The following DAB1 variants were observed in gnomAD, a reference collection of about 807,000 sequenced individuals.
The protein encoded by DAB1 is disabled homolog 1.
Under a neutral mutation model 64.6 loss-of-function variants are expected in DAB1, and 15 were observed. The observed-to-expected ratio is 0.23, with a 90% CI of 0.16 to 0.36. DAB1 has a LOEUF of 0.36. Ranked by LOEUF, DAB1 falls within the 10% of genes least tolerant of loss-of-function variation. The pLI is 1.00. For missense variants in DAB1, 596 were observed against 706.7 expected, an observed-to-expected ratio of 0.84 and a Z score of 1.78; for synonymous variants, 235 against 251.9, an observed-to-expected ratio of 0.93 and a Z score of 0.64.
intron 2 of DAB1, among the ~76,000 whole-genome samples, chr1:57,254,476 C>G (rs1160779382): frequency 6.6e-6 from 1 of 152,200 alleles, no homozygotes; most frequent in Non-Finnish European, 1.5e-5. Context: ...GAAATCATTG[C>G]TCTTGCTAGA....
At chr1:57,233,758 C>CA (rs1345428702) in intron 2 of DAB1, among the ~76,000 whole-genome samples, 3 of 150,218 alleles carry the variant, frequency 2.0e-5, no homozygotes, top group Admixed American at 1.3e-4. Context: ...GCCTCTGTCT[C>CA]AAAAAAAATA....
rs113312326 is a variant in DAB1 at position 57,112,837 on chromosome 1, G to A, written c.306+23706C>T. Among the ~76,000 whole-genome samples the A allele has an allele frequency of 6.9e-3, 1,044 of 152,018 alleles. 10 individuals carry two copies. The highest frequency in any genetic ancestry group is 0.024 in the African/African-American group (981 of 41,460). On this transcript the variant is annotated intron_variant, in intron 4 of 14. Transcript: ENST00000371236. ...CCAGGTGGCATACTAGACAGTAGGG[G>A]GTACAAAGATGAAAAGAAACAGTTT... is the stretch of plus-strand genomic sequence containing the variant.
chr1:58,068,634 T>G (rs967261778), intron 5 of DAB1, among the ~76,000 whole-genome samples: 3 of 151,094 alleles, frequency 2.0e-5, no homozygotes, highest in Non-Finnish European at 4.4e-5. Context: ...GGTGTGGTGG[T>G]GGGGGCCTGT....
intron 3 of DAB1, among the ~76,000 whole-genome samples, chr1:58,433,670 GGAGA>G (rs60954569): frequency 4.2e-4 from 60 of 142,094 alleles, no homozygotes; most frequent in Admixed American, 2.0e-3. Context: ...GGGAGGCGGG[GGAGA>G]GAGAGAGAGA....
intron 9 of DAB1, among the ~76,000 whole-genome samples, chr1:57,044,511 G>T (rs997580720): frequency 6.6e-6 from 1 of 152,196 alleles, no homozygotes. Flanking sequence ...TTTGACATCT[G>T]TGCTCTGGCC....
At chr1:57,065,768 G>A (rs1650844229) in intron 8 of DAB1, among the ~76,000 whole-genome samples, 1 of 152,174 alleles carries the variant, frequency 6.6e-6, no homozygotes, top group Non-Finnish European at 1.5e-5. Context: ...GCCACAGGCT[G>A]CGACTCAGAC....
At chr1:58,525,357 C>A (rs56065191) in intron 2 of DAB1, among the ~76,000 whole-genome samples, 7,264 of 152,022 alleles carry the variant, frequency 0.048, 218 homozygotes, top group African/African-American at 0.062. Flanking sequence ...ACATGCTGTT[C>A]AAGAGTCAAC....
At chr1:57,420,321 T>C (rs1332829378) in intron 1 of DAB1, among the ~76,000 whole-genome samples, 2 of 152,228 alleles carry the variant, frequency 1.3e-5, no homozygotes, top group Non-Finnish European at 2.9e-5. Flanking sequence ...TGGCTAGGTT[T>C]AAATCCTAGT....
chr1:57,060,463 T>A (rs993805308), intron 9 of DAB1, among the ~76,000 whole-genome samples: 70 of 152,234 alleles, frequency 4.6e-4, no homozygotes, highest in African/African-American at 1.7e-3. Flanking sequence ...ATATATTTAT[T>A]AAATGTTCCT....
chr1:57,507,731 A>G lies in DAB1; in HGVS notation n.625+141861T>C, dbSNP rs1274896288. Among the ~76,000 whole-genome samples the G allele has an allele frequency of 3.9e-5, 6 of 152,134 alleles. No individual in the cohort carries two copies. In the East Asian group the frequency reaches 1.2e-3, roughly 29 times the overall value. Reference sequence around the variant, plus strand: ...GTTCCTTTCGTAAATGGGCTTCCGCATTTACAAATGACCTCATCAGTTAGT... The same window carrying G: ...GTTCCTTTCGTAAATGGGCTTCCGCGTTTACAAATGACCTCATCAGTTAGT... On this transcript the variant is annotated intron_variant and non_coding_transcript_variant, in intron 7 of 20. Coordinates refer to the DAB1 transcript ENST00000485760.
At chr1:57,051,540 G>A (rs1308438512) in intron 9 of DAB1, among the ~76,000 whole-genome samples, 2 of 152,196 alleles carry the variant, frequency 1.3e-5, no homozygotes, top group Non-Finnish European at 2.9e-5. Context: ...CAGGGAAAAT[G>A]AATTAAATCT....
intron 4 of DAB1, 81 bp downstream of exon 4, chr1:57,136,462 C>G (rs1288568911): frequency 5.6e-6 from 4 of 713,946 alleles, no homozygotes; most frequent in African/African-American, 1.8e-5. Flanking sequence ...GTTGTATATT[C>G]CTGCCCAGAG....
At chr1:57,708,796 G>A (rs1264387009) in intron 6 of DAB1, among the ~76,000 whole-genome samples, 1 of 152,190 alleles carries the variant, frequency 6.6e-6, no homozygotes, top group East Asian at 1.9e-4. Context: ...TGCTGCTTGG[G>A]TTTGAGGGAG....
chr1:57,127,299 G>C (rs1657210111), intron 4 of DAB1, among the ~76,000 whole-genome samples: 1 of 152,130 alleles, frequency 6.6e-6, no homozygotes, highest in Non-Finnish European at 1.5e-5. Flanking sequence ...TCTGGAATTT[G>C]GATGAGAATT....
intron 5 of DAB1, among the ~76,000 whole-genome samples, chr1:58,137,331 C>A (rs993254297): frequency 6.6e-6 from 1 of 152,206 alleles, no homozygotes; most frequent in Non-Finnish European, 1.5e-5. Context: ...TGGCCTGGAA[C>A]CTGTGTCCCC....
chr1:57,239,494 A>T (rs1173198369), intron 2 of DAB1, among the ~76,000 whole-genome samples: 1 of 152,130 alleles, frequency 6.6e-6, no homozygotes, highest in Non-Finnish European at 1.5e-5. Context: ...TAAATAAACA[A>T]TATCTAGCTG....
At chr1:57,225,759 T>C (rs561662336) in intron 2 of DAB1, among the ~76,000 whole-genome samples, 1 of 152,308 alleles carries the variant, frequency 6.6e-6, no homozygotes, top group East Asian at 1.9e-4. Flanking sequence ...CAACCCTCTA[T>C]GAAAAGCATG....
chr1:58,359,151 T>G (rs765944769), intron 3 of DAB1, among the ~76,000 whole-genome samples: 1 of 152,100 alleles, frequency 6.6e-6, no homozygotes, highest in Non-Finnish European at 1.5e-5. Flanking sequence ...TATGGAGGAC[T>G]TCCCAGAGTG....
intron 1 of DAB1, among the ~76,000 whole-genome samples, chr1:57,369,613 A>G (rs935175158): frequency 6.6e-6 from 1 of 152,166 alleles, no homozygotes; most frequent in African/African-American, 2.4e-5. Flanking sequence ...CTATAATTAT[A>G]TCAGCTCATT....
Sources: allele counts gnomAD v4.1 joint callset (sites outside exome capture counted in the v4.1 genomes callset), GRCh38; gene constraint gnomAD v4.1.1; transcripts MANE v1.5; gene names NCBI Gene and HGNC (gene_info 2026-07-23, HGNC 2026-07-21).